The following BTBD7 variants were observed in gnomAD, a reference collection of about 807,000 sequenced individuals.
The protein encoded by BTBD7 is BTB domain containing 7.
BTBD7 carries 38 observed loss-of-function variants against 99.9 expected under a neutral mutation model. The ratio of observed to expected loss-of-function variants is 0.38; its 90% CI spans 0.29 to 0.50. The LOEUF is 0.50. Among genes scored for constraint, BTBD7 ranks in the 20% least tolerant of loss-of-function variants. The pLI, the probability that BTBD7 is intolerant of heterozygous loss-of-function variation, is 0.93. For missense variants in BTBD7, 1,170 were observed against 1,394.6 expected, an observed-to-expected ratio of 0.84 and a Z score of 2.57; for synonymous variants, 520 against 511.4, an observed-to-expected ratio of 1.02 and a Z score of -0.23.
chr14:93,306,774 G>T (rs2053075496), intron 1 of BTBD7, among the ~76,000 whole-genome samples: 1 of 152,138 alleles, frequency 6.6e-6, no homozygotes, highest in Non-Finnish European at 1.5e-5. Context: ...CCTCTCTTGA[G>T]ATCTGAGTCT....
At chr14:93,332,766 C>T (rs1156537375) in intron 1 of BTBD7, 54 bp downstream of exon 1, 1 of 1,451,970 alleles carries the variant, frequency 6.9e-7, no homozygotes, top group African/African-American at 1.5e-5. Context: ...CGCCCCGCGC[C>T]ACACCGGACA....
In BTBD7 at chr14:93,328,102, AAC is replaced by A. The variant is rs373582755; in HGVS notation, c.-107+4716_-107+4717del. Reference sequence around the variant, plus strand: ...AAGACTTTTACACTGAAAACTAAAAAACACTGCTGAAATAAAGACACAAATAA... The same window carrying A: ...AAGACTTTTACACTGAAAACTAAAAAACTGCTGAAATAAAGACACAAATAA... On this transcript the variant is annotated intron_variant, in intron 1 of 10. Transcript: ENST00000334746. 2.6e-4 allele frequency among the ~76,000 whole-genome samples: 39 copies of A among 152,344 alleles called. No individual in the cohort carries two copies. The East Asian group carries it at 6.0e-3, about 23-fold the overall frequency.
At chr14:93,283,623 C>T (rs939449469) in intron 3 of BTBD7, among the ~76,000 whole-genome samples, 7 of 152,230 alleles carry the variant, frequency 4.6e-5, no homozygotes, top group Non-Finnish European at 1.0e-4. Context: ...AGGATCTCAG[C>T]TCACTGTAAT....
intron 7 of BTBD7, among the ~76,000 whole-genome samples, chr14:93,253,049 C>T (rs771400448): frequency 6.6e-6 from 1 of 151,964 alleles, no homozygotes; most frequent in Non-Finnish European, 1.5e-5. Context: ...GGATGGACCC[C>T]GGAAAGTTCT....
chr14:93,292,456 C>T (rs1320025506), intron 3 of BTBD7, among the ~76,000 whole-genome samples: 1 of 151,990 alleles, frequency 6.6e-6, no homozygotes, highest in East Asian at 1.9e-4. Flanking sequence ...ATTATTGATA[C>T]AATAATTCTT....
At chr14:93,293,320 T>C (rs1223387367) in intron 3 of BTBD7, among the ~76,000 whole-genome samples, 1 of 152,244 alleles carries the variant, frequency 6.6e-6, no homozygotes, top group East Asian at 1.9e-4. Flanking sequence ...TTTTACACGC[T>C]GTAGGCTGTG....
At chr14:93,256,945 T>C (rs2052436853) in intron 6 of BTBD7, 1 of 447,546 alleles carries the variant, frequency 2.2e-6, no homozygotes, top group South Asian at 4.5e-5. Context: ...GAATTAACTC[T>C]GCTAGAAATA....
intron 3 of BTBD7, among the ~76,000 whole-genome samples, chr14:93,265,496 A>G (rs145051989): frequency 1.3e-5 from 2 of 152,398 alleles, no homozygotes; most frequent in East Asian, 3.9e-4. Context: ...TGTTGAATGT[A>G]CAAATGAGAT....
intron 3 of BTBD7, among the ~76,000 whole-genome samples, chr14:93,272,794 C>T (rs978901940): frequency 2.6e-5 from 4 of 152,124 alleles, no homozygotes; most frequent in African/African-American, 4.8e-5. Context: ...TCCTTAGATG[C>T]TGTGACTCTG....
At chr14:93,295,043 C>A in intron 2 of BTBD7, 106 bp from the exon 3 acceptor site, 1 of 1,088,516 alleles carries the variant, frequency 9.2e-7, no homozygotes, top group East Asian at 2.7e-5. Context: ...ATTACCGAAC[C>A]ACTCAAAATT....
At chr14:93,275,854 AATC>A (rs761879891) in intron 3 of BTBD7, among the ~76,000 whole-genome samples, 1 of 152,210 alleles carries the variant, frequency 6.6e-6, no homozygotes, top group Admixed American at 6.5e-5. Flanking sequence ...CTGTTTACTG[AATC>A]ATCATTATGT....
intron 3 of BTBD7, chr14:93,287,857 A>T (rs974687227): frequency 1.3e-5 from 2 of 152,244 alleles, no homozygotes; most frequent in Admixed American, 6.5e-5. Context: ...ATTTGGTGGA[A>T]TACATTCCCA....
intron 1 of BTBD7, among the ~76,000 whole-genome samples, chr14:93,303,735 G>A (rs1248694751): frequency 6.6e-6 from 1 of 152,204 alleles, no homozygotes; most frequent in Non-Finnish European, 1.5e-5. Context: ...TACCCTCAGA[G>A]CTCACACTCC....
At chr14:93,295,859 G>A (rs1566854812) in intron 2 of BTBD7, 111 bp downstream of exon 2, 7 of 989,292 alleles carry the variant, frequency 7.1e-6, no homozygotes, top group Non-Finnish European at 1.0e-5. Context: ...AGATGCTGCA[G>A]AATTATTATA....
rs2052547920 is a variant in BTBD7 at position 93,266,804 on chromosome 14, A to G, written c.1163-2811T>C. The stretch of plus-strand genomic sequence containing the variant: ...AAAGATGTCTTTATTCCAAGCACTA[A>G]AAGAATATCCCTATAAGGAACACAA... On this transcript the variant is annotated intron_variant, in intron 3 of 10. Transcript: ENST00000334746. 5.9e-5 allele frequency among the ~76,000 whole-genome samples: 9 copies of G among 152,374 alleles called. No individual in the cohort carries two copies. The South Asian group carries it at 1.4e-3, about 25-fold the overall frequency.
chr14:93,272,248 C>T (rs538953795), intron 3 of BTBD7, among the ~76,000 whole-genome samples: 1 of 152,232 alleles, frequency 6.6e-6, no homozygotes, highest in Non-Finnish European at 1.5e-5. Flanking sequence ...CACCACTGCA[C>T]TCCAGCCTGG....
At chr14:93,252,503 C>T (rs11622284) in intron 7 of BTBD7, among the ~76,000 whole-genome samples, 5,574 of 151,224 alleles carry the variant, frequency 0.037, 133 homozygotes, top group South Asian at 0.076. Context: ...ACTACAACAG[C>T]ACACCACCAC....
Position 93,294,614 on chromosome 14 carries a change from A to G in BTBD7, c.406T>C (p.Tyr136His). Residue 136 changes from tyrosine to histidine, a missense_variant, in exon 3 of 11, where the codon TAT becomes CAT. Tyr to His is a moderately conservative substitution (Grantham distance 83). Around this residue, in one of 4 missense-constraint regions of BTBD7, gnomAD observed 359 missense variants for 497.9 expected, o/e 0.72. Coordinates refer to ENST00000334746, the MANE Select transcript of BTBD7 (RefSeq NM_001002860.4). ...RTLQKDMADL[Y>H]EYKYCTDVDL... ...ACATCAGTACAATACTTGTACTCAT[A>G]AAGATCAGCCATATCTTTCTGCAAT... 5.0e-6 allele frequency: 8 copies of G among 1,614,066 alleles called. No individual in the cohort carries two copies. Among genetic ancestry groups the G allele is most frequent in the Middle Eastern group, 1.7e-4 (1 of 5,956 alleles).
chr14:93,252,666 T>C (rs1237148070), intron 7 of BTBD7, among the ~76,000 whole-genome samples: 2 of 152,082 alleles, frequency 1.3e-5, no homozygotes, highest in African/African-American at 4.8e-5. Context: ...TAAGCCACCA[T>C]GCCTGGTTTA....
Sources: allele counts gnomAD v4.1 joint callset (sites outside exome capture counted in the v4.1 genomes callset), GRCh38; gene constraint gnomAD v4.1.1; regional missense constraint gnomAD v4.1.1; transcripts MANE v1.5; gene names NCBI Gene and HGNC (gene_info 2026-07-23, HGNC 2026-07-21).